The following RBM26 variants were observed in gnomAD, a reference collection of about 807,000 sequenced individuals.
RBM26 encodes RNA-binding protein 26.
RBM26 carries 30 observed loss-of-function variants against 123.6 expected under a neutral mutation model. The observed-to-expected ratio is 0.24, with a 90% CI of 0.18 to 0.33. RBM26 has a LOEUF of 0.33. RBM26 is among the 10% of genes least tolerant of loss of function. The probability of loss-of-function intolerance (pLI) is 1.00; values close to 1 mark genes in which losing one functional copy is unlikely to be tolerated. For missense variants in RBM26, 947 were observed against 1,203.6 expected, an observed-to-expected ratio of 0.79 and a Z score of 3.15; for synonymous variants, 400 against 404.4, an observed-to-expected ratio of 0.99 and a Z score of 0.13.
At chr13:79,354,327 GAC>G in intron 13 of RBM26, 110 bp downstream of exon 13, 1 of 860,306 alleles carries the variant, frequency 1.2e-6, no homozygotes, top group Non-Finnish European at 1.6e-6. Context: ...AATATGTAAA[GAC>G]TATCATATTT....
At chr13:79,316,082 A>G (rs1406342010), downstream of RBM26, among the ~76,000 whole-genome samples, 1 of 151,750 alleles carries the variant, frequency 6.6e-6, no homozygotes, top group Non-Finnish European at 1.5e-5. Flanking sequence ...ACAGTATTTT[A>G]TAAGAACAAG....
intron 1 of RBM26, among the ~76,000 whole-genome samples, chr13:79,402,435 CTTTTTTT>C (rs35140010): frequency 1.4e-5 from 2 of 140,620 alleles, no homozygotes; most frequent in African/African-American, 5.3e-5. Context: ...CACAGCCAGG[CTTTTTTT>C]TTTTTTTTTA....
chr13:79,366,799 C>G lies in RBM26; in HGVS notation c.969G>C (p.Val323=). 6.2e-7 allele frequency: 1 copy of G among 1,613,704 alleles called. No homozygotes were observed. The highest frequency in any genetic ancestry group is 8.5e-7 in the Non-Finnish European group (1 of 1,179,726). ...GGAAAGGCAGCATACCAGGAAGATTCACATCTTCTACAACTACTGGATCAC... is the reference window on the plus strand; with the variant it reads ...GGAAAGGCAGCATACCAGGAAGATTGACATCTTCTACAACTACTGGATCAC... ...HGSDPVVVED[V]NLPGMLPFPA... is the part of the protein sequence containing the mutation. Residue 323 remains valine, a synonymous_variant, in exon 7 of 22, where the codon GTG becomes GTC. Coordinates refer to ENST00000438737, the MANE Select transcript of RBM26 (RefSeq NM_001366735.2).
intron 9 of RBM26, among the ~76,000 whole-genome samples, chr13:79,364,524 T>C (rs1350291296): frequency 1.3e-5 from 2 of 152,218 alleles, no homozygotes; most frequent in Non-Finnish European, 1.5e-5. Context: ...GAAAAAGATA[T>C]ATTTTTTGTT....
At chr13:79,371,706 G>A (rs2075898299) in intron 4 of RBM26, 136 bp downstream of exon 4, 2 of 629,846 alleles carry the variant, frequency 3.2e-6, no homozygotes, top group Non-Finnish European at 5.5e-6. Context: ...GGTAGAAACG[G>A]ACCTAGTTAT....
At chr13:79,388,956 A>T (rs866173633) in intron 1 of RBM26, among the ~76,000 whole-genome samples, 4 of 152,198 alleles carry the variant, frequency 2.6e-5, no homozygotes, top group South Asian at 2.1e-4. Flanking sequence ...CAACAAATAA[A>T]CGACCGGCTG....
At chr13:79,365,543 T>A (rs758382439) in intron 9 of RBM26, 35 bp downstream of exon 9, 1 of 1,558,286 alleles carries the variant, frequency 6.4e-7, no homozygotes, top group Admixed American at 1.7e-5. Context: ...GTTTATATTA[T>A]GAAAATGACA....
chr13:79,366,549 A>C, intron 7 of RBM26, 84 bp downstream of exon 7: 1 of 1,355,848 alleles, frequency 7.4e-7, no homozygotes. Context: ...TCCTTTAGAT[A>C]CTTTTAATTT....
chr13:79,343,089 G>C (rs1232108421), intron 16 of RBM26, among the ~76,000 whole-genome samples: 1 of 151,644 alleles, frequency 6.6e-6, no homozygotes, highest in Admixed American at 6.6e-5. Context: ...ACATAAGTTT[G>C]AAGCACACAA....
At position 79,337,188 on chromosome 13, in the gene RBM26, G is replaced by A; in HGVS notation, c.2647C>T (p.His883Tyr). ...CTGGGACGGTGATCCACCACAGCAT[G>A]ACCAGGCACACCTCGCCCTCGCCCT... The part of the protein sequence containing the change: ...GRGRGRGVPG[H>Y]AVVDHRPRAL... Residue 883 changes from histidine (H) to tyrosine (Y), a missense_variant, in exon 19 of 22, where the codon CAT (histidine) becomes TAT (tyrosine). Around this residue, in one of 5 missense-constraint regions of RBM26, gnomAD observed 164 missense variants for 215.3 expected, o/e 0.76. Coordinates refer to ENST00000438737, the MANE Select transcript of RBM26 (RefSeq NM_001366735.2). 1 of 1,614,108 alleles carries A rather than the reference G, an allele frequency of 6.2e-7. No homozygotes were observed. The highest frequency in any genetic ancestry group is 1.3e-5 in the African/African-American group (1 of 75,042).
rs566347408 is a variant in RBM26 at position 79,320,088 on chromosome 13, C to T, written c.*533G>A. The T allele has an allele frequency of 3.1e-6, 3 of 976,714 alleles. No individual in the cohort carries two copies. Among genetic ancestry groups the T allele is most frequent in the Non-Finnish European group, 3.6e-6 (3 of 823,496 alleles). 60.5% of individuals were successfully genotyped at this position (976,714 alleles called of 1,614,324 possible). A position where few individuals can be genotyped will look rare whatever the true frequency, so the allele number is the denominator to read the frequency against. On this transcript the variant is annotated 3_prime_UTR_variant, in exon 22 of 22. Transcript: ENST00000438737. The stretch of plus-strand genomic sequence containing the variant: ...CAGTCATACACCATTATCATTAAAA[C>T]CCATATGGTAAAATACATACACAGT...
intron 1 of RBM26, among the ~76,000 whole-genome samples, chr13:79,403,017 G>T (rs745352207): frequency 4.0e-5 from 6 of 151,580 alleles, no homozygotes; most frequent in South Asian, 4.2e-4. Flanking sequence ...TAAGTTTCAA[G>T]TTACAGCTTA....
chr13:79,367,406 C>CAAAAAAAAAAAAAA (rs776345304), intron 6 of RBM26, among the ~76,000 whole-genome samples: 402 of 39,614 alleles, frequency 0.01, 56 homozygotes, highest in East Asian at 0.031. Context: ...GACTCCATCT[C>CAAAAAAAAAAAAAA]AAAAAAAAAA....
At chr13:79,394,082 G>A (rs563571430) in intron 1 of RBM26, among the ~76,000 whole-genome samples, 10 of 152,252 alleles carry the variant, frequency 6.6e-5, no homozygotes, top group South Asian at 2.1e-4. Flanking sequence ...GGGATCCCCC[G>A]CAGATATCCC....
intron 20 of RBM26, among the ~76,000 whole-genome samples, chr13:79,332,525 T>C (rs923182836): frequency 5.9e-5 from 9 of 152,186 alleles, no homozygotes; most frequent in Non-Finnish European, 1.2e-4. Context: ...GGCTTAAGGA[T>C]ATGCTTATGC....
intron 17 of RBM26, 120 bp downstream of exon 17, chr13:79,342,544 T>G (rs1594115564): frequency 2.8e-6 from 2 of 722,380 alleles, no homozygotes; most frequent in South Asian, 1.9e-5. Flanking sequence ...GGGAGAATGG[T>G]ACATACAATG....
rs150676471 is a variant in RBM26, at chr13:79,354,534, C to A, written c.1891G>T (p.Val631Phe). ...QPLVQQPILPVVKQSVKERLG... is the reference protein window; with the variant it reads ...QPLVQQPILPFVKQSVKERLG... ...CGCTCTTTGACTGACTGCTTCACAA[C>A]AGGCAAAATGGGCTGCTGGACTAAA... Residue 631 changes from valine (V) to phenylalanine (F), a missense_variant, in exon 13 of 22, where the codon GTT becomes TTT. Val to Phe is a conservative substitution (Grantham distance 50). This residue lies in a region of RBM26 where 493 missense variants were observed against 563.1 expected (regional missense o/e 0.88). Coordinates refer to ENST00000438737, the MANE Select transcript of RBM26 (RefSeq NM_001366735.2). 1.0e-3 allele frequency: 1,613 copies of A among 1,607,192 alleles called. 2 individuals carry two copies. The highest frequency in any genetic ancestry group is 1.3e-3 in the Non-Finnish European group (1,531 of 1,175,380).
At chr13:79,334,272 T>C (rs1285721565) in intron 20 of RBM26, 72 bp downstream of exon 20, 2 of 847,936 alleles carry the variant, frequency 2.4e-6, no homozygotes, top group African/African-American at 1.8e-5. Flanking sequence ...AAAAATTCAT[T>C]TATATTAAAA....
At chr13:79,384,124 A>G (rs1594607923) in intron 1 of RBM26, among the ~76,000 whole-genome samples, 1 of 152,206 alleles carries the variant, frequency 6.6e-6, no homozygotes, top group Non-Finnish European at 1.5e-5. Flanking sequence ...TGCTTCAGTG[A>G]GCTTTGGCAA....
Sources: allele counts gnomAD v4.1 joint callset (sites outside exome capture counted in the v4.1 genomes callset), GRCh38; gene constraint gnomAD v4.1.1; regional missense constraint gnomAD v4.1.1; transcripts MANE v1.5; gene names NCBI Gene and HGNC (gene_info 2026-07-23, HGNC 2026-07-21).